Variants in AGAP1 observed in about 807,000 individuals in gnomAD.
AGAP1 encodes ArfGAP with GTPase domain, ankyrin repeat and PH domain 1, also known as arf-GAP with GTPase, ANK repeat and PH domain-containing protein 1.
AGAP1 carries 29 observed loss-of-function variants against 105.3 expected under a neutral mutation model. That is an observed-to-expected ratio of 0.28 (90% CI 0.21 to 0.38). The LOEUF is 0.38. Ranked by LOEUF, AGAP1 falls within the 10% of genes least tolerant of loss-of-function variation. The probability of loss-of-function intolerance (pLI) is 1.00; values close to 1 mark genes in which losing one functional copy is unlikely to be tolerated. For missense variants in AGAP1, 998 were observed against 1,165.1 expected (o/e 0.86, Z 2.09); for synonymous variants, 509 against 485.9 (o/e 1.05, Z -0.63).
Position 235,701,712 on chromosome 2 carries a change from C to A in AGAP1, c.164-7467C>A, listed in dbSNP as rs766837937. On this transcript the variant is annotated intron_variant, in intron 1 of 17. Coordinates refer to ENST00000304032, the MANE Select transcript of AGAP1 (RefSeq NM_001037131.3). This position sits in a 1 kb window ranked among gnomAD's most constrained non-coding sequence, Gnocchi z 4.1. ...AAGTCCTACATTTGAAAGTCATCAG[C>A]GGATTATGTCTGATCCAGTTTGCAG... 1.3e-5 allele frequency among the ~76,000 whole-genome samples: 2 copies of A among 152,148 alleles called. No individual in the cohort carries two copies. Among genetic ancestry groups the A allele is most frequent in the African/African-American group, 2.4e-5 (1 of 41,436 alleles).
At chr2:235,499,605 C>G (rs7582521) in intron 1 of AGAP1, among the ~76,000 whole-genome samples, 3,599 of 152,278 alleles carry the variant, frequency 0.024, 145 homozygotes, top group African/African-American at 0.082. Flanking sequence ...CCTTGTGAGT[C>G]CAGCTTACTC....
chr2:236,016,343 T>C (rs2056700904), intron 13 of AGAP1, among the ~76,000 whole-genome samples: 1 of 151,976 alleles, frequency 6.6e-6, no homozygotes, highest in African/African-American at 2.4e-5. Flanking sequence ...TGCATATCAT[T>C]TCTCCTCCCT....
At chr2:235,727,939 C>G (rs115497985) in intron 3 of AGAP1, among the ~76,000 whole-genome samples, 1 of 152,286 alleles carries the variant, frequency 6.6e-6, no homozygotes, top group African/African-American at 2.4e-5. Flanking sequence ...ATTGACACTT[C>G]AGAGAAGGCC....
intron 10 of AGAP1, among the ~76,000 whole-genome samples, chr2:235,897,930 A>C (rs1358788461): frequency 2.0e-5 from 3 of 152,206 alleles, no homozygotes; most frequent in Non-Finnish European, 4.4e-5. Context: ...CTGTGGCCCC[A>C]GATGGAAACC....
At chr2:235,902,611 G>T (rs2051120628) in intron 10 of AGAP1, among the ~76,000 whole-genome samples, 1 of 152,208 alleles carries the variant, frequency 6.6e-6, no homozygotes, top group Non-Finnish European at 1.5e-5. Context: ...AAGGTGTCAA[G>T]CTCATAGTTA....
At chr2:235,644,916 CAA>C (rs1036357328) in intron 1 of AGAP1, among the ~76,000 whole-genome samples, 4 of 148,964 alleles carry the variant, frequency 2.7e-5, no homozygotes, top group Non-Finnish European at 4.4e-5. Flanking sequence ...TTTTTGGAGA[CAA>C]GAGTTTTACT....
intron 9 of AGAP1, among the ~76,000 whole-genome samples, chr2:235,812,941 C>T (rs1161764160): frequency 6.6e-6 from 1 of 152,354 alleles, no homozygotes; most frequent in East Asian, 1.9e-4. Context: ...GCCCTGCAAG[C>T]TAATTGACCT....
intron 13 of AGAP1, among the ~76,000 whole-genome samples, chr2:235,974,385 A>G (rs1483958606): frequency 1.3e-5 from 2 of 152,236 alleles, no homozygotes; most frequent in Non-Finnish European, 2.9e-5. Context: ...GTTGTGTAGC[A>G]AAGATCTTTC....
At position 235,872,747 on chromosome 2, in the gene AGAP1, A is replaced by G. The variant is rs1321349773; in HGVS notation, c.1051-10598A>G. On this transcript the variant is annotated intron_variant, in intron 9 of 17. Coordinates refer to ENST00000304032, the MANE Select transcript of AGAP1 (RefSeq NM_001037131.3). The surrounding 1 kb of genome is among the most constrained non-coding windows in gnomAD (Gnocchi z 4.5). ...GCCACCTTAGTACCACTTCCTCCCT[A>G]AGGAAAGCGACGGGCCCCCTGTCTT... 1.3e-5 allele frequency among the ~76,000 whole-genome samples: 2 copies of G among 152,282 alleles called. No individual in the cohort carries two copies. Among genetic ancestry groups the G allele is most frequent in the African/African-American group, 4.8e-5 (2 of 41,562 alleles).
At chr2:235,677,461 G>A (rs993663266) in intron 1 of AGAP1, among the ~76,000 whole-genome samples, 10 of 152,186 alleles carry the variant, frequency 6.6e-5, no homozygotes, top group East Asian at 3.9e-4. Context: ...GGAAAATGAC[G>A]GTTTCTTTCC....
Position 235,723,541 on chromosome 2 carries a change from A to T in AGAP1, c.310+5897A>T, listed in dbSNP as rs1234487201. Among the ~76,000 whole-genome samples the T allele has an allele frequency of 6.6e-6, 1 of 152,158 alleles. No homozygotes were observed. Among genetic ancestry groups the T allele is most frequent in the Non-Finnish European group, 1.5e-5 (1 of 68,040 alleles). ...GTCATTGCTCTGAGACCCGTTCCCCAGGACAACTCTCTCTGTGTCACCCAT... is the reference window on the plus strand; with the variant it reads ...GTCATTGCTCTGAGACCCGTTCCCCTGGACAACTCTCTCTGTGTCACCCAT... On this transcript the variant is annotated intron_variant, in intron 3 of 17. Transcript: ENST00000304032. This position sits in a 1 kb window ranked among gnomAD's most constrained non-coding sequence, Gnocchi z 6.2.
intron 16 of AGAP1, among the ~76,000 whole-genome samples, chr2:236,098,620 C>CTTTTTGTTTTTTTTTTT (rs1323650327): frequency 3.4e-4 from 39 of 115,236 alleles, no homozygotes; most frequent in African/African-American, 1.4e-3. Flanking sequence ...TCTTTTTTTC[C>CTTTTTGTTTTTTTTTTT]TTTTTTTTTT....
rs1947890902 is a variant in AGAP1 at position 235,659,839 on chromosome 2, C to G, written c.164-49340C>G. On this transcript the variant is annotated intron_variant, in intron 1 of 17. Transcript: ENST00000304032. The surrounding 1 kb of genome is among the most constrained non-coding windows in gnomAD (Gnocchi z 5.0). ...TCGGATGCGAAATCTGGGGAACCAGCCAGCCACCTCTGGTCCTGGGAGGGT... is the reference window on the plus strand; with the variant it reads ...TCGGATGCGAAATCTGGGGAACCAGGCAGCCACCTCTGGTCCTGGGAGGGT... Among the ~76,000 whole-genome samples the G allele has an allele frequency of 6.6e-6, 1 of 152,224 alleles. No homozygotes were observed. Among genetic ancestry groups the G allele is most frequent in the South Asian group, 2.1e-4 (1 of 4,830 alleles).
intron 1 of AGAP1, among the ~76,000 whole-genome samples, chr2:235,527,757 C>G (rs1416304893): frequency 6.6e-6 from 1 of 152,134 alleles, no homozygotes; most frequent in Non-Finnish European, 1.5e-5. Flanking sequence ...GAAAAAAATG[C>G]CCACAGCCTA....
At chr2:235,634,978 G>A (rs1311658409) in intron 1 of AGAP1, among the ~76,000 whole-genome samples, 2 of 151,560 alleles carry the variant, frequency 1.3e-5, no homozygotes, top group Non-Finnish European at 2.9e-5. Flanking sequence ...CCCCCCCGCT[G>A]TAGACAGTGG....
rs761087317 is a variant in AGAP1 at position 236,128,965 on chromosome 2, A to G, written c.*4843A>G. ...CAGTCAAGGAGGAGTTCAGATAGAA[A>G]AGTGCTGGAGATACACATCTTTCCT... On this transcript the variant is annotated 3_prime_UTR_variant, in exon 18 of 18. Transcript: ENST00000304032. This position sits in a 1 kb window ranked among gnomAD's most constrained non-coding sequence, Gnocchi z 5.9. 9.2e-5 allele frequency: 14 copies of G among 152,220 alleles called. No individual in the cohort carries two copies. Among genetic ancestry groups the G allele is most frequent in the Non-Finnish European group, 1.6e-4 (11 of 68,032 alleles). The allele number at this position is 152,220 out of a possible 1,614,324, so 9.4% of individuals were successfully genotyped here. A position where few individuals can be genotyped will look rare whatever the true frequency, so the allele number is the denominator to read the frequency against.
chr2:235,955,868 A>T (rs889768143), intron 12 of AGAP1, among the ~76,000 whole-genome samples: 10 of 152,156 alleles, frequency 6.6e-5, no homozygotes, highest in South Asian at 2.1e-4. Context: ...AGGACCCTGG[A>T]CAAAGCCCCT....
rs1489343138 is a variant in AGAP1 at position 236,126,681 on chromosome 2, T to C, written c.*2559T>C. On this transcript the variant is annotated 3_prime_UTR_variant, in exon 18 of 18. Coordinates refer to ENST00000304032, the MANE Select transcript of AGAP1 (RefSeq NM_001037131.3). ...ACAGCCCCTCCTCTACCATTCTCAG[T>C]GATGTCCATCTGCTCCACTCCGCAG... is the stretch of plus-strand genomic sequence containing the variant. 1 of 152,084 alleles carries C rather than the reference T, an allele frequency of 6.6e-6. No individual in the cohort carries two copies. Among genetic ancestry groups the C allele is most frequent in the Non-Finnish European group, 1.5e-5 (1 of 68,006 alleles). 9.4% of individuals were successfully genotyped at this position (152,084 alleles called of 1,614,324 possible). A position where few individuals can be genotyped will look rare whatever the true frequency, so the allele number is the denominator to read the frequency against.
chr2:236,069,737 G>T (rs12465341), intron 16 of AGAP1, among the ~76,000 whole-genome samples: 2 of 152,068 alleles, frequency 1.3e-5, no homozygotes, highest in Non-Finnish European at 2.9e-5. Flanking sequence ...TGATGATGCA[G>T]GTGAAAATGT....
Sources: gnomAD v4.1 joint callset for allele counts (sites outside exome capture counted in the v4.1 genomes callset) on GRCh38, gnomAD v4.1.1 for gene constraint, Gnocchi (gnomAD v3.1) non-coding constraint, MANE v1.5 for transcripts, NCBI Gene and HGNC (gene_info 2026-07-23, HGNC 2026-07-21) for gene names.